The following PIP5K1B variants were observed in gnomAD, a reference collection of about 807,000 sequenced individuals.
PIP5K1B encodes the protein phosphatidylinositol-4-phosphate 5-kinase type 1 beta.
PIP5K1B carries 42 observed loss-of-function variants against 67.0 expected under a neutral mutation model. The ratio of observed to expected loss-of-function variants is 0.63; its 90% CI spans 0.49 to 0.81. The LOEUF (loss-of-function observed/expected upper bound fraction) is 0.81. PIP5K1B is among the 30% of genes least tolerant of loss of function. PIP5K1B has a pLI of 0.00. For synonymous variants in PIP5K1B, 214 were observed against 231.4 expected (o/e 0.92, Z 0.68); for missense variants, 459 against 646.3 (o/e 0.71, Z 3.14).
intron 1 of PIP5K1B, among the ~76,000 whole-genome samples, chr9:68,711,587 T>A (rs1449374134): frequency 1.3e-5 from 2 of 152,252 alleles, no homozygotes; most frequent in African/African-American, 4.8e-5. Flanking sequence ...TCCATAATTA[T>A]TCTAATGATT....
At chr9:68,711,540 A>G (rs1827393453) in intron 1 of PIP5K1B, among the ~76,000 whole-genome samples, 1 of 152,246 alleles carries the variant, frequency 6.6e-6, no homozygotes, top group Non-Finnish European at 1.5e-5. Flanking sequence ...CAATTTATAT[A>G]TCCAAATGAA....
intron 1 of PIP5K1B, chr9:68,742,162 G>C (rs893410229): frequency 6.6e-6 from 1 of 152,122 alleles, no homozygotes; most frequent in East Asian, 1.9e-4. Flanking sequence ...CCTACATTTA[G>C]TGGGAAGTTT....
rs192632369 is a variant in PIP5K1B at position 68,791,159 on chromosome 9, G to C, written c.-85-27302G>C. 3.9e-5 allele frequency among the ~76,000 whole-genome samples: 6 copies of C among 152,316 alleles called. No homozygotes were observed. The East Asian group carries it at 1.2e-3, about 29-fold the overall frequency. ...GTTGTGAAAGAATACAATTGAGAAA[G>C]ATATTTTGTGCCCCAGCAGAGTAAA... On this transcript the variant is annotated intron_variant, in intron 2 of 15. Transcript: ENST00000265382.
chr9:68,769,619 A>ATATT (rs1341627394), intron 2 of PIP5K1B, among the ~76,000 whole-genome samples: 2 of 152,232 alleles, frequency 1.3e-5, no homozygotes, highest in Non-Finnish European at 2.9e-5. Context: ...AAATAAATAA[A>ATATT]TATTTATAAC....
chr9:68,723,707 T>TG (rs1249704354), intron 1 of PIP5K1B, among the ~76,000 whole-genome samples: 2 of 148,664 alleles, frequency 1.3e-5, no homozygotes, highest in African/African-American at 2.5e-5. Flanking sequence ...TTTTTTTTTT[T>TG]TTTTTTTTTT....
At chr9:68,726,925 T>C (rs1179464642) in intron 1 of PIP5K1B, among the ~76,000 whole-genome samples, 1 of 152,182 alleles carries the variant, frequency 6.6e-6, no homozygotes, top group Non-Finnish European at 1.5e-5. Flanking sequence ...CTATTTGCCA[T>C]TCTTATATGA....
chr9:68,725,373 C>T (rs1828101795), intron 1 of PIP5K1B, among the ~76,000 whole-genome samples: 1 of 152,200 alleles, frequency 6.6e-6, no homozygotes, highest in Non-Finnish European at 1.5e-5. Flanking sequence ...AAAATCTAGC[C>T]ACTGGCTCCT....
Position 68,877,828 on chromosome 9 carries a change from C to G in PIP5K1B, c.318+1034C>G, listed in dbSNP as rs533795108. ...ATGACTTCTGCCTAATGAAGCAATA[C>G]TGCTTCCTCAAGGCACATCAATAAG... On this transcript the variant is annotated intron_variant, in intron 6 of 15. Coordinates refer to ENST00000265382, the MANE Select transcript of PIP5K1B (RefSeq NM_003558.4). 2.0e-5 allele frequency among the ~76,000 whole-genome samples: 3 copies of G among 152,278 alleles called. No individual in the cohort carries two copies. The South Asian group carries it at 6.2e-4, about 32-fold the overall frequency.
intron 2 of PIP5K1B, among the ~76,000 whole-genome samples, chr9:68,809,682 C>T (rs957550562): frequency 4.6e-5 from 7 of 152,160 alleles, no homozygotes; most frequent in African/African-American, 1.7e-4. Context: ...AGCAAGCCAA[C>T]ACGGTGCCCA....
At chr9:68,749,885 A>G (rs1028135089) in intron 2 of PIP5K1B, among the ~76,000 whole-genome samples, 2 of 152,214 alleles carry the variant, frequency 1.3e-5, no homozygotes, top group African/African-American at 2.4e-5. Flanking sequence ...CACCCTGTTG[A>G]GAAACACCAA....
chr9:68,793,185 A>AGGG (rs1399417633), intron 2 of PIP5K1B, among the ~76,000 whole-genome samples: 1 of 103,466 alleles, frequency 9.7e-6, no homozygotes, highest in African/African-American at 2.9e-5. Flanking sequence ...AAATAGTTAG[A>AGGG]GGGGGGTTAG....
At chr9:68,860,885 C>T (rs562232171) in intron 4 of PIP5K1B, among the ~76,000 whole-genome samples, 22 of 152,234 alleles carry the variant, frequency 1.4e-4, no homozygotes, top group South Asian at 8.3e-4. Flanking sequence ...TGTGTTACCT[C>T]GTGTAAGTTG....
At chr9:69,001,605 G>A (rs1203687677) in intron 15 of PIP5K1B, among the ~76,000 whole-genome samples, 2 of 152,096 alleles carry the variant, frequency 1.3e-5, no homozygotes, top group Non-Finnish European at 2.9e-5. Flanking sequence ...TTAGTGGCAG[G>A]AGAGAGACAG....
At chr9:68,720,570 C>T (rs1397925157) in intron 1 of PIP5K1B, among the ~76,000 whole-genome samples, 2 of 152,136 alleles carry the variant, frequency 1.3e-5, no homozygotes, top group Admixed American at 1.3e-4. Flanking sequence ...TGTCTCTGTG[C>T]AGCTACCAAT....
intron 14 of PIP5K1B, among the ~76,000 whole-genome samples, chr9:68,969,432 C>G (rs1474655565): frequency 6.7e-6 from 1 of 148,816 alleles, no homozygotes; most frequent in Non-Finnish European, 1.5e-5. Flanking sequence ...GAGCCTCAAT[C>G]AAGGGAAGCT....
At chr9:68,977,267 A>T (rs1421550337) in intron 14 of PIP5K1B, among the ~76,000 whole-genome samples, 1 of 152,212 alleles carries the variant, frequency 6.6e-6, no homozygotes, top group Non-Finnish European at 1.5e-5. Flanking sequence ...CACGGCTGTA[A>T]TCCCAGCACT....
At chr9:68,789,569 C>T (rs1279878020) in intron 2 of PIP5K1B, 2 of 479,118 alleles carry the variant, frequency 4.2e-6, no homozygotes, top group African/African-American at 2.0e-5. Flanking sequence ...GTTCTTGCAC[C>T]TCAAAAAAGT....
intron 14 of PIP5K1B, among the ~76,000 whole-genome samples, chr9:68,943,404 A>C (rs1308929474): frequency 6.6e-6 from 1 of 152,194 alleles, no homozygotes; most frequent in Non-Finnish European, 1.5e-5. Context: ...TCTTAAAGAC[A>C]ACAGTTTGAG....
intron 1 of PIP5K1B, among the ~76,000 whole-genome samples, chr9:68,710,566 G>A (rs914537616): frequency 1.3e-5 from 2 of 152,038 alleles, no homozygotes; most frequent in Non-Finnish European, 2.9e-5. Flanking sequence ...CTTCTGTATC[G>A]CTTCATCAGA....
Sources: allele counts gnomAD v4.1 joint callset (sites outside exome capture counted in the v4.1 genomes callset), GRCh38; gene constraint gnomAD v4.1.1; transcripts MANE v1.5; gene names NCBI Gene and HGNC (gene_info 2026-07-23, HGNC 2026-07-21).